Variants in ALDH18A1 observed in about 807,000 individuals in gnomAD.
ALDH18A1 encodes delta-1-pyrroline-5-carboxylate synthase.
In ALDH18A1, 44 loss-of-function variants were observed where a neutral mutation model predicts 88.8. That is an observed-to-expected ratio of 0.50 (90% CI 0.39 to 0.64). The LOEUF (loss-of-function observed/expected upper bound fraction) is 0.64. Ranked by LOEUF, ALDH18A1 falls within the 30% of genes least tolerant of loss-of-function variation. The pLI, the probability that ALDH18A1 is intolerant of heterozygous loss-of-function variation, is 0.00. For synonymous variants in ALDH18A1, 331 were observed against 372.1 expected (o/e 0.89, Z 1.27); for missense variants, 782 against 1,009.5 (o/e 0.77, Z 3.05).
chr10:95,643,837 A>G (rs908302089), intron 2 of ALDH18A1, among the ~76,000 whole-genome samples: 22 of 152,112 alleles, frequency 1.4e-4, no homozygotes, highest in African/African-American at 4.6e-4. Flanking sequence ...AAGAAACCAT[A>G]TTACTATAAA....
At chr10:95,635,609 C>A (rs1476512771) in intron 5 of ALDH18A1, among the ~76,000 whole-genome samples, 3 of 152,058 alleles carry the variant, frequency 2.0e-5, no homozygotes, top group East Asian at 3.9e-4. Context: ...GGAAAAGGTA[C>A]AAAGGGCAAA....
intron 16 of ALDH18A1, 143 bp from the exon 17 acceptor site, chr10:95,610,435 G>A: frequency 2.7e-6 from 2 of 730,984 alleles, no homozygotes; most frequent in Non-Finnish European, 4.8e-6. Flanking sequence ...TAAATACTCA[G>A]GCTTATGAAA....
intron 2 of ALDH18A1, among the ~76,000 whole-genome samples, chr10:95,652,257 T>C (rs1195719210): frequency 6.6e-6 from 1 of 152,182 alleles, no homozygotes; most frequent in Non-Finnish European, 1.5e-5. Context: ...AAATAAAAAA[T>C]CCTGTGGTGA....
At chr10:95,632,921 A>T in intron 7 of ALDH18A1, 38 bp downstream of exon 7, 1 of 1,560,326 alleles carries the variant, frequency 6.4e-7, no homozygotes, top group South Asian at 1.1e-5. Flanking sequence ...AGCATTTAAA[A>T]CAAAGGGCAG....
At chr10:95,612,002 A>G (rs1351080312) in intron 15 of ALDH18A1, among the ~76,000 whole-genome samples, 2 of 152,082 alleles carry the variant, frequency 1.3e-5, no homozygotes, top group African/African-American at 4.8e-5. Context: ...AAGAATGTGC[A>G]AGGCGTTTAG....
Position 95,642,417 on chromosome 10 carries a change from C to T in ALDH18A1, c.303+575G>A, listed in dbSNP as rs546319188. The stretch of plus-strand genomic sequence containing the variant: ...TCACTTGAGCCCAGCAGTTGGAAAC[C>T]AGCCTGAGCAACATAGCAAGACCCC... On this transcript the variant is annotated intron_variant, in intron 3 of 17. Transcript: ENST00000371224. 3.3e-5 allele frequency among the ~76,000 whole-genome samples: 5 copies of T among 152,254 alleles called. No homozygotes were observed. In the South Asian group the frequency reaches 1.0e-3, roughly 32 times the overall value.
Position 95,632,892 on chromosome 10 carries a change from C to T in ALDH18A1, c.808+67G>A, listed in dbSNP as rs74150974. 3.3e-3 allele frequency: 4,445 copies of T among 1,350,768 alleles called. 114 individuals carry two copies. In the African/African-American group the frequency reaches 0.056, roughly 17 times the overall value. 83.7% of individuals were successfully genotyped at this position (1,350,768 alleles called of 1,614,324 possible). On this transcript the variant is annotated intron_variant, in intron 7 of 17. Coordinates refer to ENST00000371224, the MANE Select transcript of ALDH18A1 (RefSeq NM_002860.4). Reference sequence around the variant, plus strand: ...AGAGGGACTCAAAGAAAGAGGGAAACTCATGTGCTCACATATGTAGCATTT... The same window carrying T: ...AGAGGGACTCAAAGAAAGAGGGAAATTCATGTGCTCACATATGTAGCATTT...
chr10:95,655,890 C>T (rs1190494665), intron 1 of ALDH18A1, among the ~76,000 whole-genome samples: 3 of 152,100 alleles, frequency 2.0e-5, no homozygotes, highest in African/African-American at 7.2e-5. Flanking sequence ...AACCTCAGTC[C>T]CAGCACAGTT....
chr10:95,637,882 C>T (rs1158781185), intron 3 of ALDH18A1, among the ~76,000 whole-genome samples: 2 of 151,934 alleles, frequency 1.3e-5, no homozygotes, highest in Admixed American at 6.6e-5. Context: ...ATCACCTGAG[C>T]TCAGGGAGGT....
chr10:95,652,954 A>G (rs944653491), intron 2 of ALDH18A1, among the ~76,000 whole-genome samples: 1 of 152,058 alleles, frequency 6.6e-6, no homozygotes, highest in African/African-American at 2.4e-5. Context: ...TGGGAGGCCA[A>G]GGCAGGCAGA....
At chr10:95,630,479 A>C (rs1040175728) in intron 7 of ALDH18A1, among the ~76,000 whole-genome samples, 1 of 152,230 alleles carries the variant, frequency 6.6e-6, no homozygotes, top group African/African-American at 2.4e-5. Context: ...TTGGGAGGCC[A>C]AGGCAGGAGG....
chr10:95,652,490 G>T lies in ALDH18A1; in HGVS notation c.88+800C>A, dbSNP rs545045951. 9.8e-5 allele frequency among the ~76,000 whole-genome samples: 15 copies of T among 152,340 alleles called. No individual in the cohort carries two copies. The East Asian group carries it at 2.9e-3, about 29-fold the overall frequency. ...CTAACGCCTGTAATCCCAACACTTT[G>T]GGAGGGAGGCCGAGGCGGGCAGATC... On this transcript the variant is annotated intron_variant, in intron 2 of 17. Transcript: ENST00000371224.
At chr10:95,647,568 T>A (rs893249866) in intron 2 of ALDH18A1, among the ~76,000 whole-genome samples, 1 of 152,230 alleles carries the variant, frequency 6.6e-6, no homozygotes, top group East Asian at 1.9e-4. Flanking sequence ...ATCTCTCTGG[T>A]ATTCTCCTGA....
intron 3 of ALDH18A1, 114 bp downstream of exon 3, chr10:95,642,875 TCTA>T: frequency 9.2e-7 from 1 of 1,091,188 alleles, no homozygotes; most frequent in Non-Finnish European, 1.4e-6. Flanking sequence ...TTGGGTTAAA[TCTA>T]CTGCACTGAA....
chr10:95,626,299 C>T (rs751524031), intron 10 of ALDH18A1, among the ~76,000 whole-genome samples: 5 of 152,140 alleles, frequency 3.3e-5, no homozygotes, highest in Non-Finnish European at 7.3e-5. Context: ...CTAATTCAAG[C>T]CAGACAGGTC....
At position 95,625,527 on chromosome 10, in the gene ALDH18A1, CCTA is replaced by C. The variant is rs1441712966; in HGVS notation, c.1153-75_1153-73del. On this transcript the variant is annotated intron_variant, in intron 10 of 17. Transcript: ENST00000371224. ...AAGAATGCACACCACAGTTTTTAAACCTACTCTTCTGAGAGTGCCAGGCCTTGC... is the reference window on the plus strand; with the variant it reads ...AAGAATGCACACCACAGTTTTTAAACCTCTTCTGAGAGTGCCAGGCCTTGC... The C allele has an allele frequency of 7.5e-6, 10 of 1,333,902 alleles. No individual in the cohort carries two copies. In the East Asian group the frequency reaches 1.8e-4, roughly 25 times the overall value. The allele number at this position is 1,333,902 out of a possible 1,614,324, so 82.6% of individuals were successfully genotyped here. A position where few individuals can be genotyped will look rare whatever the true frequency, so the allele number is the denominator to read the frequency against.
At chr10:95,654,441 A>G (rs1410586982) in intron 1 of ALDH18A1, among the ~76,000 whole-genome samples, 2 of 152,016 alleles carry the variant, frequency 1.3e-5, no homozygotes, top group Non-Finnish European at 2.9e-5. Flanking sequence ...AGCTCTTTTT[A>G]TGCTACAGAG....
At chr10:95,640,988 C>T (rs1019711612) in intron 3 of ALDH18A1, among the ~76,000 whole-genome samples, 1 of 152,126 alleles carries the variant, frequency 6.6e-6, no homozygotes, top group Admixed American at 6.5e-5. Context: ...CTCTGCTTTC[C>T]AGCTTGTCTC....
At position 95,628,363 on chromosome 10, in the gene ALDH18A1, C is replaced by A; in HGVS notation, c.933+5G>T. 1.2e-6 allele frequency: 2 copies of A among 1,614,134 alleles called. No individual in the cohort carries two copies. Among genetic ancestry groups the A allele is most frequent in the Non-Finnish European group, 1.7e-6 (2 of 1,179,980 alleles). On this transcript the variant is annotated splice_donor_5th_base_variant and intron_variant, in intron 8 of 17. Transcript: ENST00000371224. ...TTATAGGCAGTTAAGGCACCAGATT[C>A]TTACCTTGGCTTCCATGCCACCCAT... is the stretch of plus-strand genomic sequence containing the variant.
Sources: gnomAD v4.1 joint callset for allele counts (sites outside exome capture counted in the v4.1 genomes callset) on GRCh38, gnomAD v4.1.1 for gene constraint, MANE v1.5 for transcripts, NCBI Gene and HGNC (gene_info 2026-07-23, HGNC 2026-07-21) for gene names.